TENM3: variants seen among roughly 807,000 people sequenced by gnomAD.
The protein encoded by TENM3 is teneurin transmembrane protein 3.
In TENM3, 63 loss-of-function variants were observed where a neutral mutation model predicts 255.1. That is an observed-to-expected ratio of 0.25 (90% CI 0.20 to 0.30). TENM3 has a LOEUF of 0.30. Among genes scored for constraint, TENM3 ranks in the 10% least tolerant of loss-of-function variants. The pLI is 1.00. For missense variants in TENM3, 2,929 were observed against 3,461.1 expected (o/e 0.85, Z 3.86); for synonymous variants, 1,306 against 1,322.3 (o/e 0.99, Z 0.27).
chr4:182,680,802 A>T, intron 10 of TENM3, 65 bp downstream of exon 10: 2 of 1,264,130 alleles, frequency 1.6e-6, no homozygotes, highest in Non-Finnish European at 2.1e-6. Context: ...TGTATCTGTA[A>T]TCTTTAGTTG....
At chr4:182,100,911 G>A in the TENM3 span, among the ~76,000 whole-genome samples, 1 of 137,038 alleles carries the variant, frequency 7.3e-6, no homozygotes. Flanking sequence ...AGGCATGGTG[G>A]TGCACACCTG....
At chr4:182,243,731 A>G (rs1302473579) in intron 1 of TENM3, among the ~76,000 whole-genome samples, 1 of 152,158 alleles carries the variant, frequency 6.6e-6, no homozygotes, top group Non-Finnish European at 1.5e-5. Context: ...ACTGTGAACT[A>G]TTCAGCACGT....
At chr4:182,037,874 C>G in the TENM3 span, among the ~76,000 whole-genome samples, 2 of 151,962 alleles carry the variant, frequency 1.3e-5, no homozygotes, top group Admixed American at 6.6e-5. Flanking sequence ...CTTTGTCACC[C>G]AGGCTGGAAT....
intron 3 of TENM3, among the ~76,000 whole-genome samples, chr4:182,587,447 A>C (rs778030686): frequency 1.3e-4 from 20 of 152,090 alleles, no homozygotes; most frequent in Non-Finnish European, 2.6e-4. Flanking sequence ...TTGTACTAAA[A>C]ATACAAAAAT....
the TENM3 span, among the ~76,000 whole-genome samples, chr4:181,684,744 T>TTTTG: frequency 6.6e-6 from 1 of 152,072 alleles, no homozygotes; most frequent in South Asian, 2.1e-4. Flanking sequence ...AGTGTCTGTT[T>TTTTG]TTTGTTTGTT....
chr4:182,115,026 C>T, the TENM3 span, among the ~76,000 whole-genome samples: 4 of 151,950 alleles, frequency 2.6e-5, no homozygotes, highest in Non-Finnish European at 4.4e-5. Context: ...TGGAATAATA[C>T]AAAAATTAGC....
chr4:181,636,934 A>T, the TENM3 span, among the ~76,000 whole-genome samples: 3 of 151,738 alleles, frequency 2.0e-5, no homozygotes, highest in Non-Finnish European at 2.9e-5. Flanking sequence ...CTCAGCCCCT[A>T]CCCCTCTGGT....
chr4:181,526,321 A>G, the TENM3 span, among the ~76,000 whole-genome samples: 11 of 151,770 alleles, frequency 7.2e-5, no homozygotes, highest in Admixed American at 7.2e-4. Context: ...CTCAAAATCT[A>G]CAAAATGTAA....
intron 18 of TENM3, among the ~76,000 whole-genome samples, chr4:182,740,540 G>A (rs1423912989): frequency 4.6e-5 from 7 of 152,266 alleles, no homozygotes; most frequent in Admixed American, 6.5e-5. Flanking sequence ...TAGGGGAAAC[G>A]TCTCTAGATG....
intron 3 of TENM3, among the ~76,000 whole-genome samples, chr4:182,522,567 T>C (rs1738691863): frequency 6.6e-6 from 1 of 152,246 alleles, no homozygotes; most frequent in Non-Finnish European, 1.5e-5. Context: ...CCACGTTTTC[T>C]TTCTTTTTTA....
intron 6 of TENM3, among the ~76,000 whole-genome samples, chr4:182,654,247 G>A (rs1040329315): frequency 3.3e-5 from 5 of 152,006 alleles, no homozygotes; most frequent in South Asian, 4.1e-4. Context: ...TTCAACTTGC[G>A]TGTGGAGTTG....
the TENM3 span, among the ~76,000 whole-genome samples, chr4:181,747,089 A>G: frequency 6.6e-5 from 10 of 152,074 alleles, no homozygotes; most frequent in South Asian, 1.0e-3. Flanking sequence ...ATATAGCCTA[A>G]TTGCCTTCTA....
the TENM3 span, among the ~76,000 whole-genome samples, chr4:181,895,453 C>T: frequency 1.1e-4 from 17 of 151,608 alleles, no homozygotes; most frequent in Non-Finnish European, 2.4e-4. Context: ...TAAGCACCCT[C>T]ATTCAGTACA....
In TENM3 at chr4:182,655,072, A is replaced by T. The variant is rs1486357054; in HGVS notation, c.1111+1179A>T. ...AGTGGCAGTCACTGTAGAGGGGGTT[A>T]AAGAGGGTTGAAACTATAGATTGGG... On this transcript the variant is annotated intron_variant, in intron 6 of 27. Transcript: ENST00000511685. 9.2e-5 allele frequency among the ~76,000 whole-genome samples: 14 copies of T among 152,222 alleles called. 1 individual carries two copies. Among genetic ancestry groups the T allele is most frequent in the Admixed American group, 9.2e-4 (14 of 15,282 alleles).
the TENM3 span, among the ~76,000 whole-genome samples, chr4:181,888,494 G>GTATATGTA: frequency 7.1e-5 from 2 of 28,228 alleles, no homozygotes; most frequent in African/African-American, 1.7e-4. Context: ...ATAGAAATGT[G>GTATATGTA]TATATATATA....
chr4:181,967,538 A>G, the TENM3 span, among the ~76,000 whole-genome samples: 1 of 152,216 alleles, frequency 6.6e-6, no homozygotes, highest in African/African-American at 2.4e-5. Flanking sequence ...TCTTTAAACA[A>G]AGTCCCCTGA....
chr4:182,751,933 G>C lies in TENM3; in HGVS notation c.3763G>C (p.Glu1255Gln), dbSNP rs1358203389. 1 of 1,613,922 alleles carries C rather than the reference G, an allele frequency of 6.2e-7. No homozygotes were observed. The highest frequency in any genetic ancestry group is 1.7e-5 in the Admixed American group (1 of 60,020). ...GGCAAAAGACTTGACTAAAAATGCA[G>C]AAGTCGTCGCAGGGACAGGGGAGCA... ...TGAKDLTKNA[E>Q]VVAGTGEQCL... The change falls in exon 20 of 28, where the codon GAA becomes CAA. Residue 1255 changes from glutamate to glutamine, a missense_variant. Coordinates refer to ENST00000511685, the MANE Select transcript of TENM3 (RefSeq NM_001080477.4).
intron 1 of TENM3, among the ~76,000 whole-genome samples, chr4:182,298,405 A>G (rs1243626078): frequency 1.4e-4 from 21 of 152,194 alleles, no homozygotes; most frequent in Admixed American, 1.4e-3. Flanking sequence ...TCTCAAATAC[A>G]AAGAGTTGAA....
intron 5 of TENM3, among the ~76,000 whole-genome samples, chr4:182,631,918 G>A (rs1751408805): frequency 6.6e-6 from 1 of 152,168 alleles, no homozygotes; most frequent in Admixed American, 6.5e-5. Flanking sequence ...TAGACAAGGT[G>A]AACAGCTTCT....
Sources: gnomAD v4.1 joint callset for allele counts (sites outside exome capture counted in the v4.1 genomes callset) on GRCh38, gnomAD v4.1.1 for gene constraint, MANE v1.5 for transcripts, NCBI Gene and HGNC (gene_info 2026-07-23, HGNC 2026-07-21) for gene names.